Variants in MACF1 observed in about 807,000 individuals in gnomAD.
MACF1 encodes the protein microtubule-actin cross-linking factor 1.
MACF1 carries 193 observed loss-of-function variants against 854.8 expected under a neutral mutation model. That is an observed-to-expected ratio of 0.23 (90% CI 0.20 to 0.25). The LOEUF is 0.25. Ranked by LOEUF, MACF1 falls within the 10% of genes least tolerant of loss-of-function variation. The pLI is 1.00. For missense variants in MACF1, 7,722 were observed against 8,929.1 expected (o/e 0.86, Z 5.45); for synonymous variants, 3,185 against 3,226.7 (o/e 0.99, Z 0.44).
intron 18 of MACF1, 34 bp from the exon 19 acceptor site, chr1:39,295,012 G>A (rs1488908044): frequency 2.0e-6 from 3 of 1,492,630 alleles, no homozygotes; most frequent in Non-Finnish European, 2.8e-6. Context: ...ACTGCCAAGA[G>A]TGCTTATGCT....
chr1:39,232,582 G>A (rs1644790429), intron 2 of MACF1, among the ~76,000 whole-genome samples: 1 of 152,014 alleles, frequency 6.6e-6, no homozygotes, highest in Non-Finnish European at 1.5e-5. Flanking sequence ...TTCTTTTTGG[G>A]CAGTCTCATC....
At chr1:39,218,575 G>A (rs1395183355) in intron 1 of MACF1, among the ~76,000 whole-genome samples, 10 of 151,904 alleles carry the variant, frequency 6.6e-5, no homozygotes, top group Non-Finnish European at 1.5e-4. Flanking sequence ...TGATATTCCC[G>A]TGAATTCTCT....
chr1:39,236,706 G>A (rs528592651), intron 2 of MACF1, among the ~76,000 whole-genome samples: 207 of 151,962 alleles, frequency 1.4e-3, no homozygotes, highest in Non-Finnish European at 2.2e-3. Context: ...TTTGTTGCCC[G>A]GCTGGAGTGC....
intron 20 of MACF1, among the ~76,000 whole-genome samples, chr1:39,296,704 T>A (rs1434324838): frequency 2.1e-5 from 3 of 142,948 alleles, no homozygotes; most frequent in Non-Finnish European, 4.5e-5. Context: ...CACTCCAGCC[T>A]GGGCAACAGA....
chr1:39,344,475 A>G (rs11205932), intron 40 of MACF1, among the ~76,000 whole-genome samples: 5,288 of 151,970 alleles, frequency 0.035, 293 homozygotes, highest in African/African-American at 0.12. Context: ...AAGGAAGTAA[A>G]GTACACTTGG....
rs1353302955 is a variant in MACF1 at position 39,452,246 on chromosome 1, A to G, written c.20509A>G (p.Thr6837Ala). Residue 6837 changes from threonine (T) to alanine (A), a missense_variant, in exon 86 of 101, where the codon ACC (threonine) becomes GCC (alanine). By Grantham distance (58) the Thr-to-Ala change is moderately conservative. Coordinates refer to ENST00000564288, the MANE Select transcript of MACF1 (RefSeq NM_001394062.1). ...RELIENSRDD[T>A]TWVKGQLQEL... Reference sequence around the variant, plus strand: ...GCTGATTGAGAATAGTCGAGATGACACCACTTGGGTAAAAGGACAGCTCCA... The same window carrying G: ...GCTGATTGAGAATAGTCGAGATGACGCCACTTGGGTAAAAGGACAGCTCCA... 1 of 1,614,186 alleles carries G rather than the reference A, an allele frequency of 6.2e-7. No homozygotes were observed. Among genetic ancestry groups the G allele is most frequent in the Admixed American group, 1.7e-5 (1 of 60,024 alleles).
At chr1:39,141,095 A>C (rs1413456586) in intron 2 of MACF1, among the ~76,000 whole-genome samples, 1 of 152,170 alleles carries the variant, frequency 6.6e-6, no homozygotes, top group Non-Finnish European at 1.5e-5. Flanking sequence ...GTTAGGTTTC[A>C]CAATTTGCTC....
At chr1:39,364,468 T>C (rs1259949094) in intron 49 of MACF1, among the ~76,000 whole-genome samples, 1 of 152,012 alleles carries the variant, frequency 6.6e-6, no homozygotes, top group African/African-American at 2.4e-5. Context: ...TTTTGACTTA[T>C]GGTGTTTTTT....
intron 63 of MACF1, among the ~76,000 whole-genome samples, chr1:39,428,794 T>C (rs1347839996): frequency 6.6e-6 from 1 of 152,206 alleles, no homozygotes; most frequent in Non-Finnish European, 1.5e-5. Context: ...AAATAGGTAA[T>C]TTTTCTAATA....
At chr1:39,375,256 G>A (rs1569782013) in intron 52 of MACF1, among the ~76,000 whole-genome samples, 1 of 152,022 alleles carries the variant, frequency 6.6e-6, no homozygotes, top group East Asian at 1.9e-4. Flanking sequence ...ATAAAAATTT[G>A]AAAAGGAAGA....
chr1:39,114,557 CT>C (rs555363475), intron 2 of MACF1, among the ~76,000 whole-genome samples: 92 of 152,272 alleles, frequency 6.0e-4, no homozygotes, highest in African/African-American at 2.2e-3. Flanking sequence ...CGCCATTGCA[CT>C]CCAGCCTGGA....
chr1:39,292,161 G>C, intron 16 of MACF1, 123 bp downstream of exon 16: 1 of 1,159,094 alleles, frequency 8.6e-7, no homozygotes, highest in Non-Finnish European at 1.2e-6. Flanking sequence ...TGATGATGAA[G>C]AGCGGTTTAT....
intron 52 of MACF1, among the ~76,000 whole-genome samples, chr1:39,375,495 GT>G (rs991402272): frequency 1.3e-5 from 2 of 152,098 alleles, no homozygotes; most frequent in African/African-American, 2.4e-5. Context: ...TAGAGACAGG[GT>G]TTCACTGTGT....
intron 6 of MACF1, among the ~76,000 whole-genome samples, chr1:39,270,725 G>A (rs997108050): frequency 6.6e-6 from 1 of 152,104 alleles, no homozygotes; most frequent in Non-Finnish European, 1.5e-5. Context: ...AATGAGGTAG[G>A]GCACTTTCCT....
At chr1:39,115,000 G>A (rs1436977809) in intron 2 of MACF1, among the ~76,000 whole-genome samples, 2 of 152,200 alleles carry the variant, frequency 1.3e-5, no homozygotes, top group Non-Finnish European at 2.9e-5. Context: ...GCATTGATAA[G>A]GTTGGAGCAT....
At chr1:39,198,628 GCAA>G (rs1410994271) in intron 2 of MACF1, among the ~76,000 whole-genome samples, 2 of 142,192 alleles carry the variant, frequency 1.4e-5, no homozygotes, top group East Asian at 4.2e-4. Flanking sequence ...TCCAGCCTAG[GCAA>G]CAGAGCAAGA....
At chr1:39,224,179 C>T (rs1025852312) in intron 1 of MACF1, among the ~76,000 whole-genome samples, 1 of 151,950 alleles carries the variant, frequency 6.6e-6, no homozygotes, top group Non-Finnish European at 1.5e-5. Context: ...TGGACATCCC[C>T]CTACTCCCCC....
intron 58 of MACF1, among the ~76,000 whole-genome samples, chr1:39,391,630 CATAA>C (rs1314452349): frequency 3.9e-5 from 6 of 152,140 alleles, no homozygotes; most frequent in Admixed American, 6.5e-5. Context: ...CACATGCAGG[CATAA>C]ATAGTGTTTG....
At chr1:39,137,599 C>T (rs1305206291) in intron 2 of MACF1, among the ~76,000 whole-genome samples, 2 of 152,240 alleles carry the variant, frequency 1.3e-5, no homozygotes, top group Non-Finnish European at 2.9e-5. Context: ...CTCCTGGGCT[C>T]AAGCCATCCT....
Sources: gnomAD v4.1 joint callset for allele counts (sites outside exome capture counted in the v4.1 genomes callset) on GRCh38, gnomAD v4.1.1 for gene constraint, MANE v1.5 for transcripts, NCBI Gene and HGNC (gene_info 2026-07-23, HGNC 2026-07-21) for gene names.